FMN1: variants seen among roughly 807,000 people sequenced by gnomAD.
FMN1 encodes formin 1.
FMN1 carries 110 observed loss-of-function variants against 132.4 expected under a neutral mutation model. The observed-to-expected ratio is 0.83, with a 90% CI of 0.71 to 0.97. The LOEUF (loss-of-function observed/expected upper bound fraction) is 0.97, where lower values mean the gene tolerates loss of function less well. Ranked by LOEUF, FMN1 falls within the 50% of genes least tolerant of loss-of-function variation. The pLI is 0.00. For synonymous variants in FMN1, 722 were observed against 651.7 expected (o/e 1.11, Z -1.64); for missense variants, 1,792 against 1,705.3 (o/e 1.05, Z -0.90).
chr15:32,948,587 TC>T (rs1378880802), intron 9 of FMN1, among the ~76,000 whole-genome samples: 1 of 152,084 alleles, frequency 6.6e-6, no homozygotes, highest in Non-Finnish European at 1.5e-5. Flanking sequence ...GTGATCTACT[TC>T]TTGACTGTTT....
chr15:33,052,295 T>C (rs534645222), intron 6 of FMN1, among the ~76,000 whole-genome samples: 2 of 152,294 alleles, frequency 1.3e-5, no homozygotes, highest in South Asian at 4.1e-4. Context: ...CATCAGCATG[T>C]AGCCACTAAA....
At chr15:32,873,298 T>A (rs1399225290) in intron 16 of FMN1, among the ~76,000 whole-genome samples, 1 of 152,224 alleles carries the variant, frequency 6.6e-6, no homozygotes, top group Non-Finnish European at 1.5e-5. Flanking sequence ...TCTTAGGATG[T>A]GTTTGAAAAT....
chr15:33,002,640 A>C (rs890249402), intron 7 of FMN1, among the ~76,000 whole-genome samples: 2 of 152,206 alleles, frequency 1.3e-5, no homozygotes, highest in Non-Finnish European at 2.9e-5. Context: ...AATGCCTGCG[A>C]CTTAGCCCCA....
At chr15:32,960,457 C>T (rs888589729) in intron 9 of FMN1, among the ~76,000 whole-genome samples, 1 of 152,056 alleles carries the variant, frequency 6.6e-6, no homozygotes, top group Non-Finnish European at 1.5e-5. Flanking sequence ...TGCAATATAG[C>T]CTTTTAAAAT....
At chr15:33,158,620 C>G (rs746275387) in intron 3 of FMN1, among the ~76,000 whole-genome samples, 3 of 151,948 alleles carry the variant, frequency 2.0e-5, no homozygotes, top group Non-Finnish European at 2.9e-5. Flanking sequence ...TGTTCTGGGC[C>G]CTGGGAAGCA....
At chr15:33,122,014 T>A (rs960000321) in intron 4 of FMN1, among the ~76,000 whole-genome samples, 1 of 152,136 alleles carries the variant, frequency 6.6e-6, no homozygotes, top group Non-Finnish European at 1.5e-5. Flanking sequence ...GAGGACACGA[T>A]CTCTACTTTC....
At chr15:32,997,758 C>A (rs2033860608) in intron 7 of FMN1, among the ~76,000 whole-genome samples, 2 of 152,154 alleles carry the variant, frequency 1.3e-5, no homozygotes, top group South Asian at 2.1e-4. Context: ...ATTTTTTACA[C>A]TAAGAGCTCA....
In FMN1 at chr15:32,889,526, T is replaced by C. The variant is rs146273022; in HGVS notation, c.3715-1234A>G. The stretch of plus-strand genomic sequence containing the variant: ...TGGCCTCATTTTTACCTTCCCCCTA[T>C]CTCCAACTCCCTCTAGACCTTCATG... On this transcript the variant is annotated intron_variant, in intron 15 of 20. Transcript: ENST00000616417. Among the ~76,000 whole-genome samples, 24 of 152,250 alleles carry C rather than the reference T, an allele frequency of 1.6e-4. No individual in the cohort carries two copies. The East Asian group carries it at 4.6e-3, about 29-fold the overall frequency.
chr15:33,183,596 A>G (rs141953676), intron 2 of FMN1, among the ~76,000 whole-genome samples: 73 of 152,346 alleles, frequency 4.8e-4, no homozygotes, highest in African/African-American at 1.6e-3. Context: ...TCATACACCC[A>G]AAGTAGTGGG....
At position 32,949,964 on chromosome 15, in the gene FMN1, TAC is replaced by T. The variant is rs199751112; in HGVS notation, c.3138+14141_3138+14142del. On this transcript the variant is annotated intron_variant, in intron 9 of 20. Transcript: ENST00000616417. Reference sequence around the variant, plus strand: ...GCATATATATATATATATATATATATACACACATATATATACACACACATATA... The same window carrying T: ...GCATATATATATATATATATATATATACACATATATATACACACACATATA... 6.6e-4 allele frequency among the ~76,000 whole-genome samples: 22 copies of T among 33,578 alleles called. 1 individual carries two copies. Among genetic ancestry groups the T allele is most frequent in the African/African-American group, 2.9e-3 (20 of 6,892 alleles). The allele number at this position is 33,578 out of a possible 152,430, so 22.0% of individuals were successfully genotyped here. A position where few individuals can be genotyped will look rare whatever the true frequency, so the allele number is the denominator to read the frequency against.
intron 6 of FMN1, among the ~76,000 whole-genome samples, chr15:33,032,130 TG>T (rs2035966828): frequency 6.6e-6 from 1 of 152,210 alleles, no homozygotes; most frequent in Admixed American, 6.5e-5. Flanking sequence ...CTCTAATCCA[TG>T]GAGGTTTTAA....
In FMN1 at chr15:32,852,254, G is replaced by C. The variant is rs180837323; in HGVS notation, c.3928+4761C>G. 1.2e-3 allele frequency among the ~76,000 whole-genome samples: 189 copies of C among 152,176 alleles called. 1 individual carries two copies. The highest frequency in any genetic ancestry group is 3.4e-3 in the Middle Eastern group (1 of 294). ...AGTATCCAACCAGTTATCCAAGCAA[G>C]AAAAAGGAGTTACCCTATTCTCCTC... is the stretch of plus-strand genomic sequence containing the variant. On this transcript the variant is annotated intron_variant, in intron 17 of 20. Transcript: ENST00000616417.
intron 4 of FMN1, among the ~76,000 whole-genome samples, chr15:33,101,908 C>T (rs1165772520): frequency 1.3e-5 from 2 of 152,106 alleles, no homozygotes; most frequent in African/African-American, 4.8e-5. Context: ...TACTGGGCTG[C>T]TTTCCATTCC....
chr15:32,802,607 A>G (rs1257585350), intron 18 of FMN1, among the ~76,000 whole-genome samples: 1 of 152,236 alleles, frequency 6.6e-6, no homozygotes, highest in African/African-American at 2.4e-5. Context: ...GCTGACAACC[A>G]GAATTTATGA....
intron 5 of FMN1, among the ~76,000 whole-genome samples, chr15:33,076,758 TA>T (rs912255144): frequency 5.3e-5 from 8 of 152,040 alleles, no homozygotes; most frequent in South Asian, 2.1e-4. Flanking sequence ...TGACAATAAA[TA>T]AAAAAAACTA....
intron 15 of FMN1, among the ~76,000 whole-genome samples, chr15:32,890,348 ACT>A (rs1351699089): frequency 6.6e-6 from 1 of 152,200 alleles, no homozygotes; most frequent in Non-Finnish European, 1.5e-5. Context: ...GAGTCTCCAC[ACT>A]GTTTTCCATA....
intron 6 of FMN1, among the ~76,000 whole-genome samples, chr15:33,025,060 T>C (rs184971651): frequency 9.2e-5 from 14 of 152,296 alleles, no homozygotes; most frequent in Admixed American, 9.2e-4. Context: ...GTTATAAGTA[T>C]AAAACATGGG....
intron 9 of FMN1, among the ~76,000 whole-genome samples, chr15:32,946,964 A>G (rs755645882): frequency 2.0e-5 from 3 of 152,200 alleles, no homozygotes; most frequent in African/African-American, 7.2e-5. Context: ...TTATTGAGCT[A>G]TATGTATTAC....
intron 10 of FMN1, among the ~76,000 whole-genome samples, chr15:32,914,857 G>A (rs1053535192): frequency 6.6e-5 from 10 of 152,210 alleles, no homozygotes; most frequent in African/African-American, 2.4e-4. Context: ...AGTCTAAGAG[G>A]TGAGCATGAC....
Sources: gnomAD v4.1 joint callset for allele counts (sites outside exome capture counted in the v4.1 genomes callset) on GRCh38, gnomAD v4.1.1 for gene constraint, MANE v1.5 for transcripts, NCBI Gene and HGNC (gene_info 2026-07-23, HGNC 2026-07-21) for gene names.